Variants in GGA3 observed in about 807,000 individuals in gnomAD.
GGA3 encodes golgi associated, gamma adaptin ear containing, ARF binding protein 3.
GGA3 carries 57 observed loss-of-function variants against 77.5 expected under a neutral mutation model. The ratio of observed to expected loss-of-function variants is 0.74; its 90% CI spans 0.59 to 0.92. The LOEUF is 0.92. GGA3 is among the 40% of genes least tolerant of loss of function. GGA3 has a pLI of 0.00. For missense variants in GGA3, 970 were observed against 914.9 expected, an observed-to-expected ratio of 1.06 and a Z score of -0.78; for synonymous variants, 416 against 383.7, an observed-to-expected ratio of 1.08 and a Z score of -0.98.
intron 8 of GGA3, 40 bp downstream of exon 8, chr17:75,242,296 C>A (rs763973390): frequency 1.2e-6 from 2 of 1,611,238 alleles, no homozygotes; most frequent in African/African-American, 2.7e-5. Context: ...TGAAGGGCAG[C>A]GCAGCCCCGG....
Position 75,243,195 on chromosome 17 carries a change from T to G in GGA3, c.425-29A>C. The G allele has an allele frequency of 2.6e-6, 4 of 1,515,936 alleles. No individual in the cohort carries two copies. The South Asian group carries it at 3.5e-5, about 13-fold the overall frequency. The allele number at this position is 1,515,936 out of a possible 1,614,324, so 93.9% of individuals were successfully genotyped here. A position where few individuals can be genotyped will look rare whatever the true frequency, so the allele number is the denominator to read the frequency against. On this transcript the variant is annotated intron_variant, in intron 5 of 16. Coordinates refer to ENST00000537686, the MANE Select transcript of GGA3 (RefSeq NM_138619.4). ...AAAGGGGACATGGCAGCACGTGCAC[T>G]CAGGCTGTGGTTGCCTTGTCACCCC...
chr17:75,239,512 C>T lies in GGA3; in HGVS notation c.1643G>A (p.Arg548Lys), dbSNP rs753805959. 1 of 1,572,784 alleles carries T rather than the reference C, an allele frequency of 6.4e-7. No homozygotes were observed. Among genetic ancestry groups the T allele is most frequent in the African/African-American group, 1.4e-5 (1 of 73,028 alleles). The change falls in exon 14 of 17, where the codon AGG becomes AAG. Residue 548 changes from arginine to lysine, a missense_variant. Physicochemically the swap from Arg to Lys is conservative, Grantham distance 26. Transcript: ENST00000537686. Reference sequence around the variant, plus strand: ...CCCCGTGGAGAAGGGCAGGAGGGGCCTGGCTGGGGTGGTGGTGGGGATGAG... The same window carrying T: ...CCCCGTGGAGAAGGGCAGGAGGGGCTTGGCTGGGGTGGTGGTGGGGATGAG... ...SPLIPTTTPARPLLPFSTGPG... is the reference protein window; with the variant it reads ...SPLIPTTTPAKPLLPFSTGPG...
intron 8 of GGA3, 72 bp from the exon 9 acceptor site, chr17:75,241,768 T>G: frequency 6.7e-6 from 9 of 1,340,440 alleles, no homozygotes; most frequent in Middle Eastern, 1.8e-4. Context: ...TCAGGGTTCA[T>G]GCCCAGAAAA....
At position 75,243,540 on chromosome 17, in the gene GGA3, T is replaced by C. The variant is rs1191352852; in HGVS notation, c.331A>G (p.Lys111Glu). 2 of 1,614,074 alleles carry C rather than the reference T, an allele frequency of 1.2e-6. No individual in the cohort carries two copies. The highest frequency in any genetic ancestry group is 1.7e-6 in the Non-Finnish European group (2 of 1,179,972). ...TACAGCAGCTCAATAACCTTGGTCT[T>C]CACTTTCTCAGACACCCTGTCCCCC... is the stretch of plus-strand genomic sequence containing the variant. Reference protein sequence around the residue: ...YLGDRVSEKVKTKVIELLYSW... With the variant: ...YLGDRVSEKVETKVIELLYSW... Residue 111 changes from lysine to glutamate, a missense_variant, in exon 5 of 17, where the codon AAG becomes GAG. Physicochemically the swap from Lys to Glu is moderately conservative, Grantham distance 56. Transcript: ENST00000537686.
At chr17:75,252,498 G>C (rs1469315486) in intron 1 of GGA3, among the ~76,000 whole-genome samples, 1 of 151,858 alleles carries the variant, frequency 6.6e-6, no homozygotes, top group Non-Finnish European at 1.5e-5. Context: ...TCTCAGTCTT[G>C]TGGTCCTTTC....
Position 75,237,607 on chromosome 17 carries a change from C to T in GGA3, c.*672G>A, listed in dbSNP as rs1439928387. 9 of 1,530,544 alleles carry T rather than the reference C, an allele frequency of 5.9e-6. No homozygotes were observed. The highest frequency in any genetic ancestry group is 7.9e-6 in the Non-Finnish European group (9 of 1,143,770). The allele number at this position is 1,530,544 out of a possible 1,614,324, so 94.8% of individuals were successfully genotyped here. A position where few individuals can be genotyped will look rare whatever the true frequency, so the allele number is the denominator to read the frequency against. On this transcript the variant is annotated 3_prime_UTR_variant, in exon 17 of 17. Transcript: ENST00000537686. ...TTGGGCCTGTCATGAGGCCAAATTC[C>T]ATGTCCTGCCAAGATGTCCATAGGA...
chr17:75,256,046 G>A (rs369332573), intron 1 of GGA3, among the ~76,000 whole-genome samples: 48 of 151,958 alleles, frequency 3.2e-4, no homozygotes, highest in African/African-American at 9.4e-4. Flanking sequence ...CCTGCTGATC[G>A]TGTCCGATTA....
At chr17:75,240,163 T>A in intron 12 of GGA3, 55 bp from the exon 13 acceptor site, 1 of 1,316,486 alleles carries the variant, frequency 7.6e-7, no homozygotes, top group Non-Finnish European at 1.1e-6. Flanking sequence ...GGCCTGCCGC[T>A]GGAACGGGGC....
At chr17:75,248,573 G>C (rs1177766509) in intron 1 of GGA3, among the ~76,000 whole-genome samples, 2 of 150,754 alleles carry the variant, frequency 1.3e-5, no homozygotes, top group Non-Finnish European at 3.0e-5. Context: ...GATCACCTGA[G>C]GTCAGGAGTT....
rs1296614193 is a variant in GGA3 at position 75,261,600 on chromosome 17, C to T, written c.-13G>A. 7 of 1,540,230 alleles carry T rather than the reference C, an allele frequency of 4.5e-6. No individual in the cohort carries two copies. The highest frequency in any genetic ancestry group is 6.1e-6 in the Non-Finnish European group (7 of 1,143,680). On this transcript the variant is annotated 5_prime_UTR_variant, in exon 1 of 17. Coordinates refer to ENST00000537686, the MANE Select transcript of GGA3 (RefSeq NM_138619.4). Reference sequence around the variant, plus strand: ...CCGCCTCCGCCATATTGCAGCCGCCCGGCCCCGCGGCTTCAAAACTCGCGA... The same window carrying T: ...CCGCCTCCGCCATATTGCAGCCGCCTGGCCCCGCGGCTTCAAAACTCGCGA...
At chr17:75,256,054 T>G (rs2077141322) in intron 1 of GGA3, among the ~76,000 whole-genome samples, 1 of 152,136 alleles carries the variant, frequency 6.6e-6, no homozygotes, top group Non-Finnish European at 1.5e-5. Flanking sequence ...TCGTGTCCGA[T>G]TAATCTCCCA....
In GGA3 at chr17:75,239,780, A is replaced by G. The variant is rs1222765138; in HGVS notation, c.1583+9T>C. ...CCTCAGCAACCCCACATCTCCTCCC[A>G]CTCATTACACTTTGGCCTCTTCTAG... On this transcript the variant is annotated intron_variant, in intron 13 of 16. Coordinates refer to ENST00000537686, the MANE Select transcript of GGA3 (RefSeq NM_138619.4). The G allele has an allele frequency of 5.6e-6, 9 of 1,612,560 alleles. No homozygotes were observed. The highest frequency in any genetic ancestry group is 3.3e-5 in the Admixed American group (2 of 59,946).
chr17:75,240,304 T>C (rs1347699063), intron 12 of GGA3, 38 bp downstream of exon 12: 3 of 1,431,246 alleles, frequency 2.1e-6, no homozygotes, highest in African/African-American at 1.4e-5. Flanking sequence ...GTGGAGGTCC[T>C]TGGCACAGTA....
chr17:75,246,828 TAGGA>T (rs2076775362), intron 1 of GGA3, 32 bp from the exon 2 acceptor site: 4 of 1,560,716 alleles, frequency 2.6e-6, no homozygotes, highest in Non-Finnish European at 3.5e-6. Context: ...GGACAAGTGT[TAGGA>T]AGAGCAATGA....
In GGA3 at chr17:75,240,949, C is replaced by A; in HGVS notation, c.1055G>T (p.Gly352Val). ...LAPAPTPPSSGIPILPPPPQA... is the reference protein window; with the variant it reads ...LAPAPTPPSSVIPILPPPPQA... Reference sequence around the variant, plus strand: ...GGGTGGTGGAGGGAGGATTGGGATGCCTGAGGAGGGTGGAGTAGGTGCTGG... The same window carrying A: ...GGGTGGTGGAGGGAGGATTGGGATGACTGAGGAGGGTGGAGTAGGTGCTGG... The change falls in exon 11 of 17, where the codon GGC (glycine) becomes GTC (valine). Residue 352 changes from glycine (G) to valine (V), a missense_variant. Coordinates refer to ENST00000537686, the MANE Select transcript of GGA3 (RefSeq NM_138619.4). 6.2e-7 allele frequency: 1 copy of A among 1,613,974 alleles called. No individual in the cohort carries two copies. The highest frequency in any genetic ancestry group is 2.2e-5 in the East Asian group (1 of 44,876).
chr17:75,238,078 A>T lies in GGA3; in HGVS notation c.*201T>A, dbSNP rs1161050550. On this transcript the variant is annotated 3_prime_UTR_variant, in exon 17 of 17. Coordinates refer to ENST00000537686, the MANE Select transcript of GGA3 (RefSeq NM_138619.4). Reference sequence around the variant, plus strand: ...TGGCCACTTCAAGTCACACAGGTAGATAAAAACAGGTCCTTTTAGGGGCCA... The same window carrying T: ...TGGCCACTTCAAGTCACACAGGTAGTTAAAAACAGGTCCTTTTAGGGGCCA... The T allele has an allele frequency of 7.2e-7, 1 of 1,387,670 alleles. No individual in the cohort carries two copies. The highest frequency in any genetic ancestry group is 9.3e-7 in the Non-Finnish European group (1 of 1,074,196). The allele number at this position is 1,387,670 out of a possible 1,614,324, so 86.0% of individuals were successfully genotyped here.
chr17:75,239,205 T>C (rs1318029087), intron 14 of GGA3, 122 bp from the exon 15 acceptor site: 41 of 1,033,584 alleles, frequency 4.0e-5, no homozygotes, highest in Non-Finnish European at 5.4e-5. Flanking sequence ...TAACGGAATC[T>C]GGGAGAGGCG....
intron 3 of GGA3, among the ~76,000 whole-genome samples, chr17:75,245,525 G>GTT (rs142783790): frequency 1.3e-5 from 2 of 149,082 alleles, no homozygotes; most frequent in Non-Finnish European, 3.0e-5. Flanking sequence ...GTTTTGTTAC[G>GTT]TTTTTTTTTT....
rs759007635 is a variant in GGA3 at position 75,239,474 on chromosome 17, G to A, written c.1681C>T (p.Leu561Phe). The A allele has an allele frequency of 3.4e-5, 53 of 1,580,252 alleles. No individual in the cohort carries two copies. The highest frequency in any genetic ancestry group is 4.3e-5 in the Non-Finnish European group (50 of 1,170,466). Residue 561 changes from leucine (L) to phenylalanine (F), a missense_variant, in exon 14 of 17, where the codon CTC becomes TTC. Transcript: ENST00000537686. ...GACTGGAAACTCAGTGGCTGGAAGA[G>A]CGGGCTGCCGGGCCCCGTGGAGAAG... ...LPFSTGPGSP[L>F]FQPLSFQSQG...
Sources: allele counts gnomAD v4.1 joint callset (sites outside exome capture counted in the v4.1 genomes callset), GRCh38; gene constraint gnomAD v4.1.1; transcripts MANE v1.5; gene names NCBI Gene and HGNC (gene_info 2026-07-23, HGNC 2026-07-21).